The following TRAPPC9 variants were observed in gnomAD, a reference collection of about 807,000 sequenced individuals.
TRAPPC9 encodes IKK2 binding protein.
Under a neutral mutation model 124.0 loss-of-function variants are expected in TRAPPC9, and 83 were observed. The ratio of observed to expected loss-of-function variants is 0.67; its 90% confidence interval spans 0.56 to 0.80. TRAPPC9 has a LOEUF of 0.80. Ranked by LOEUF, TRAPPC9 falls within the 30% of genes least tolerant of loss-of-function variation. The probability of loss-of-function intolerance (pLI) is 0.00; values close to 1 mark genes in which losing one functional copy is unlikely to be tolerated. For synonymous variants in TRAPPC9, 638 were observed against 617.5 expected (o/e 1.03, Z -0.49); for missense variants, 1,302 against 1,508.3 (o/e 0.86, Z 2.27).
At chr8:140,290,334 C>G (rs941801975) in intron 12 of TRAPPC9, among the ~76,000 whole-genome samples, 3 of 152,228 alleles carry the variant, frequency 2.0e-5, no homozygotes, top group Non-Finnish European at 4.4e-5. Context: ...CAGCACCACA[C>G]AGCAATGCAG....
chr8:139,800,421 C>G (rs965273899), intron 21 of TRAPPC9, among the ~76,000 whole-genome samples: 10 of 152,226 alleles, frequency 6.6e-5, no homozygotes, highest in Admixed American at 6.5e-4. Context: ...ACTGAGGGGC[C>G]AAGAGCAGGG....
chr8:140,099,238 C>G (rs964391340), intron 17 of TRAPPC9: 1 of 151,572 alleles, frequency 6.6e-6, no homozygotes, highest in Non-Finnish European at 1.5e-5. Context: ...GCAGGAGTGC[C>G]GCAGTCCGCA....
intron 17 of TRAPPC9, among the ~76,000 whole-genome samples, chr8:140,102,229 T>A (rs997546215): frequency 5.9e-5 from 9 of 152,200 alleles, no homozygotes; most frequent in African/African-American, 1.9e-4. Flanking sequence ...AAATTATTGC[T>A]TCTCTCAAAG....
In TRAPPC9 at chr8:140,430,103, C is replaced by T. The variant is rs1334405667; in HGVS notation, c.860-3462G>A. Reference sequence around the variant, plus strand: ...CAGAGGTTGCAGTGAGCCGAGATCACGACATTGCACTCCAGCCTGGATGAC... The same window carrying T: ...CAGAGGTTGCAGTGAGCCGAGATCATGACATTGCACTCCAGCCTGGATGAC... On this transcript the variant is annotated intron_variant, in intron 4 of 22. Transcript: ENST00000438773. Among the ~76,000 whole-genome samples, 7 of 147,168 alleles carry T rather than the reference C, an allele frequency of 4.8e-5. 1 individual carries two copies. The highest frequency in any genetic ancestry group is 7.4e-5 in the Non-Finnish European group (5 of 67,204).
intron 6 of TRAPPC9, among the ~76,000 whole-genome samples, chr8:140,399,942 G>T (rs9644527): frequency 0.28 from 42,336 of 152,028 alleles, 6,834 homozygotes; most frequent in South Asian, 0.43. Context: ...GAATTGTGGA[G>T]GTGGTTTCCC....
chr8:140,185,158 T>A (rs2062323295), intron 17 of TRAPPC9, among the ~76,000 whole-genome samples: 1 of 152,078 alleles, frequency 6.6e-6, no homozygotes, highest in East Asian at 1.9e-4. Context: ...GTACGCTGAG[T>A]ACGGTAGAAG....
intron 7 of TRAPPC9, among the ~76,000 whole-genome samples, chr8:140,383,990 G>A (rs1173296721): frequency 6.6e-6 from 1 of 152,222 alleles, no homozygotes; most frequent in Non-Finnish European, 1.5e-5. Context: ...CAAGCCAGAA[G>A]AGAGTAGGGG....
chr8:139,837,903 G>A (rs374148265), intron 21 of TRAPPC9, among the ~76,000 whole-genome samples: 40 of 152,022 alleles, frequency 2.6e-4, no homozygotes, highest in African/African-American at 8.7e-4. Context: ...CTCCTGGCCC[G>A]GTGGCTACAC....
At chr8:140,399,287 G>A (rs1027966519) in intron 6 of TRAPPC9, among the ~76,000 whole-genome samples, 3 of 152,252 alleles carry the variant, frequency 2.0e-5, no homozygotes, top group Non-Finnish European at 4.4e-5. Context: ...GCCTAGTGGA[G>A]CTGTGAGAAG....
At chr8:139,905,176 C>T (rs966503509) in intron 20 of TRAPPC9, among the ~76,000 whole-genome samples, 2 of 152,004 alleles carry the variant, frequency 1.3e-5, no homozygotes, top group Admixed American at 1.3e-4. Context: ...GATGCCCCCG[C>T]CCTCCAGGGA....
chr8:140,227,224 T>C (rs2063476195), intron 16 of TRAPPC9, among the ~76,000 whole-genome samples: 1 of 151,770 alleles, frequency 6.6e-6, no homozygotes, highest in Admixed American at 6.6e-5. Context: ...TGGGCGCGCC[T>C]GGGAAGGATC....
chr8:140,430,491 C>T (rs563414141), intron 4 of TRAPPC9, among the ~76,000 whole-genome samples: 2 of 152,274 alleles, frequency 1.3e-5, no homozygotes, highest in East Asian at 1.9e-4. Context: ...AGGAAGCACA[C>T]GGGATGTTCT....
At chr8:139,827,409 T>C (rs545231150) in intron 21 of TRAPPC9, among the ~76,000 whole-genome samples, 1 of 152,302 alleles carries the variant, frequency 6.6e-6, no homozygotes, top group Admixed American at 6.5e-5. Context: ...TGAAGCTTCT[T>C]GCAGCTTCTG....
intron 21 of TRAPPC9, among the ~76,000 whole-genome samples, chr8:139,819,880 G>A (rs1429977683): frequency 6.6e-6 from 1 of 151,810 alleles, no homozygotes; most frequent in Non-Finnish European, 1.5e-5. Flanking sequence ...GGGCATGGTG[G>A]CGTGCGCCTA....
intron 17 of TRAPPC9, among the ~76,000 whole-genome samples, chr8:140,124,408 G>T (rs2061044590): frequency 6.6e-6 from 1 of 152,172 alleles, no homozygotes; most frequent in Non-Finnish European, 1.5e-5. Flanking sequence ...AAGGACCCTG[G>T]TGATGACACT....
intron 17 of TRAPPC9, among the ~76,000 whole-genome samples, chr8:140,158,101 G>A (rs2061686300): frequency 6.6e-6 from 1 of 152,120 alleles, no homozygotes; most frequent in South Asian, 2.1e-4. Context: ...ACATCTTGGT[G>A]CATTCATCCA....
chr8:140,315,208 A>G (rs1200708533), intron 9 of TRAPPC9, among the ~76,000 whole-genome samples: 2 of 139,482 alleles, frequency 1.4e-5, no homozygotes, highest in Non-Finnish European at 3.1e-5. Context: ...GCATTTTTTC[A>G]TACATCTTTT....
At chr8:139,980,590 G>C (rs1003300242) in intron 19 of TRAPPC9, among the ~76,000 whole-genome samples, 11 of 152,232 alleles carry the variant, frequency 7.2e-5, no homozygotes, top group African/African-American at 2.7e-4. Context: ...CCATGCATCG[G>C]GCATGGCCTC....
intron 16 of TRAPPC9, among the ~76,000 whole-genome samples, chr8:140,236,668 T>A (rs180759198): frequency 6.6e-6 from 1 of 152,318 alleles, no homozygotes; most frequent in Non-Finnish European, 1.5e-5. Context: ...TATCAGGGAA[T>A]AAATCTAGTA....
Sources: allele counts gnomAD v4.1 joint callset (sites outside exome capture counted in the v4.1 genomes callset), GRCh38; gene constraint gnomAD v4.1.1; transcripts MANE v1.5; gene names NCBI Gene and HGNC (gene_info 2026-07-23, HGNC 2026-07-21).